ACTR3B: variants seen among roughly 807,000 people sequenced by gnomAD.
ACTR3B encodes actin related protein 3B.
A neutral mutation model predicts 59.0 loss-of-function variants in ACTR3B; 8 were observed. The observed-to-expected ratio is 0.14, with a 90% CI of 0.08 to 0.24. The LOEUF (loss-of-function observed/expected upper bound fraction) is 0.24. Among genes scored for constraint, ACTR3B ranks in the 10% least tolerant of loss-of-function variants. ACTR3B has a pLI of 1.00. For missense variants in ACTR3B, 245 were observed against 552.3 expected (o/e 0.44, Z 5.58); for synonymous variants, 148 against 197.9 (o/e 0.75, Z 2.12).
chr7:152,810,692 A>T (rs1285131483), intron 4 of ACTR3B: 1 of 152,014 alleles, frequency 6.6e-6, no homozygotes, highest in Non-Finnish European at 1.5e-5. Flanking sequence ...ACTTGAGGTC[A>T]GGAGTTCGAG....
At chr7:152,784,191 G>A (rs1413316551) in intron 2 of ACTR3B, among the ~76,000 whole-genome samples, 1 of 152,184 alleles carries the variant, frequency 6.6e-6, no homozygotes, top group Non-Finnish European at 1.5e-5. Context: ...AAGAGAAAGT[G>A]AAACTCTGTT....
intron 9 of ACTR3B, among the ~76,000 whole-genome samples, chr7:152,841,729 G>C (rs912988262): frequency 6.6e-6 from 1 of 152,166 alleles, no homozygotes; most frequent in African/African-American, 2.4e-5. Context: ...TGAAGAGTTA[G>C]AGACTGTACA....
chr7:152,760,074 C>A (rs918191217), intron 1 of ACTR3B, 148 bp downstream of exon 1: 1 of 623,916 alleles, frequency 1.6e-6, no homozygotes, highest in South Asian at 6.8e-5. Flanking sequence ...GCCGCCGCTT[C>A]CCTCCAAGCC....
chr7:152,792,450 T>C (rs7802189), intron 2 of ACTR3B, among the ~76,000 whole-genome samples: 9,784 of 151,654 alleles, frequency 0.065, 415 homozygotes, highest in South Asian at 0.12. Flanking sequence ...TTTATTTTTT[T>C]TTAATTAAAG....
In ACTR3B at chr7:152,855,216, G is replaced by GT. The variant is rs1472719963; in HGVS notation, c.*664dup. On this transcript the variant is annotated 3_prime_UTR_variant, in exon 12 of 12. Transcript: ENST00000256001. The stretch of plus-strand genomic sequence containing the variant: ...TGACATGAAGTTTGAACACTAAACA[G>GT]TAATGTATGAGAATTACTACAGATA... 8 of 152,756 alleles carry GT rather than the reference G, an allele frequency of 5.2e-5. No homozygotes were observed. The highest frequency in any genetic ancestry group is 1.4e-4 in the African/African-American group (6 of 41,586). 9.5% of individuals were successfully genotyped at this position (152,756 alleles called of 1,614,324 possible).
chr7:152,784,090 C>CAAAAA (rs1158103116), intron 2 of ACTR3B, among the ~76,000 whole-genome samples: 4 of 124,708 alleles, frequency 3.2e-5, no homozygotes, highest in Non-Finnish European at 6.9e-5. Flanking sequence ...AACTCCGTCT[C>CAAAAA]AAAAAAAAAA....
intron 1 of ACTR3B, among the ~76,000 whole-genome samples, chr7:152,780,092 G>A (rs551678485): frequency 1.3e-5 from 2 of 152,230 alleles, no homozygotes; most frequent in African/African-American, 4.8e-5. Flanking sequence ...GGTGGCTCAC[G>A]CCTGTAACCC....
In ACTR3B at chr7:152,854,948, T is replaced by A. The variant is rs1799145294; in HGVS notation, c.*395T>A. Reference sequence around the variant, plus strand: ...GCAAACCCTTTTCCTCCCAGCCTATTTTTGTAAATAAAATGTTTAAACTTG... The same window carrying A: ...GCAAACCCTTTTCCTCCCAGCCTATATTTGTAAATAAAATGTTTAAACTTG... On this transcript the variant is annotated 3_prime_UTR_variant, in exon 12 of 12. Coordinates refer to ENST00000256001, the MANE Select transcript of ACTR3B (RefSeq NM_020445.6). This position sits in a 1 kb window ranked among gnomAD's most constrained non-coding sequence, Gnocchi z 4.9. 6.0e-6 allele frequency: 1 copy of A among 165,650 alleles called. No individual in the cohort carries two copies. Among genetic ancestry groups the A allele is most frequent in the African/African-American group, 2.4e-5 (1 of 41,992 alleles). 10.3% of individuals were successfully genotyped at this position (165,650 alleles called of 1,614,324 possible).
intron 9 of ACTR3B, among the ~76,000 whole-genome samples, chr7:152,838,588 G>A (rs1193280977): frequency 1.3e-5 from 2 of 151,846 alleles, no homozygotes; most frequent in African/African-American, 2.4e-5. Flanking sequence ...TGTAGATGAC[G>A]GGTTGGTGGG....
intron 9 of ACTR3B, among the ~76,000 whole-genome samples, chr7:152,849,051 C>T (rs1010294693): frequency 9.2e-5 from 14 of 152,118 alleles, no homozygotes; most frequent in African/African-American, 2.7e-4. Context: ...TGGCGAGGGG[C>T]GTCAGGGGGC....
At chr7:152,837,644 A>C (rs1052417940) in intron 9 of ACTR3B, among the ~76,000 whole-genome samples, 10 of 152,222 alleles carry the variant, frequency 6.6e-5, no homozygotes, top group African/African-American at 2.4e-5. Context: ...ATCTTCCATC[A>C]AGACTCCTGC....
At chr7:152,814,504 C>T (rs1392349611) in intron 4 of ACTR3B, 46 bp from the exon 5 acceptor site, 5 of 1,291,748 alleles carry the variant, frequency 3.9e-6, no homozygotes, top group Middle Eastern at 1.8e-4. Flanking sequence ...GATGTATTTA[C>T]ATGAAATTCG....
At chr7:152,764,790 CATT>C (rs1369564821) in intron 1 of ACTR3B, among the ~76,000 whole-genome samples, 1 of 152,140 alleles carries the variant, frequency 6.6e-6, no homozygotes, top group African/African-American at 2.4e-5. Context: ...AAATTACACT[CATT>C]AGTGTGCATT....
Position 152,824,107 on chromosome 7 carries a change from T to C in ACTR3B, c.858+592T>C, listed in dbSNP as rs1266964312. ...AGTAATTAAGAGGCACATTTTAAGATTTACATATAATGCATTTTATTTATA... is the reference window on the plus strand; with the variant it reads ...AGTAATTAAGAGGCACATTTTAAGACTTACATATAATGCATTTTATTTATA... On this transcript the variant is annotated intron_variant, in intron 8 of 11. Transcript: ENST00000256001. This position sits in a 1 kb window ranked among gnomAD's most constrained non-coding sequence, Gnocchi z 4.2. Among the ~76,000 whole-genome samples, 2 of 152,262 alleles carry C rather than the reference T, an allele frequency of 1.3e-5. No individual in the cohort carries two copies. The highest frequency in any genetic ancestry group is 2.4e-5 in the African/African-American group (1 of 41,466).
At chr7:152,813,558 G>A (rs573321588) in intron 4 of ACTR3B, 424 of 152,152 alleles carry the variant, frequency 2.8e-3, no homozygotes, top group African/African-American at 9.9e-3. Context: ...TTGGAGACAG[G>A]ATCTTGCTCT....
At chr7:152,763,818 A>G (rs2098098899) in intron 1 of ACTR3B, among the ~76,000 whole-genome samples, 1 of 152,128 alleles carries the variant, frequency 6.6e-6, no homozygotes. Context: ...ATTAGTTAAC[A>G]TTTTATTTTA....
intron 7 of ACTR3B, among the ~76,000 whole-genome samples, chr7:152,822,140 C>G (rs546521551): frequency 1.2e-4 from 19 of 152,360 alleles, no homozygotes; most frequent in Admixed American, 2.0e-4. Flanking sequence ...GGTTGTGTAG[C>G]ACTTCTTGCC....
chr7:152,831,593 C>G (rs939173292), intron 9 of ACTR3B, among the ~76,000 whole-genome samples: 2 of 152,252 alleles, frequency 1.3e-5, no homozygotes, highest in Non-Finnish European at 2.9e-5. Context: ...GGCCGTCCTA[C>G]AGGACGACTC....
At chr7:152,823,279 G>C in intron 7 of ACTR3B, 63 bp from the exon 8 acceptor site, 1 of 1,587,792 alleles carries the variant, frequency 6.3e-7, no homozygotes, top group South Asian at 1.2e-5. Flanking sequence ...CTGGTTATTT[G>C]TCTGAGGGCA....
Sources: allele counts gnomAD v4.1 joint callset (sites outside exome capture counted in the v4.1 genomes callset), GRCh38; gene constraint gnomAD v4.1.1; non-coding constraint Gnocchi (gnomAD v3.1); transcripts MANE v1.5; gene names NCBI Gene and HGNC (gene_info 2026-07-23, HGNC 2026-07-21).